The following CRB1 variants were observed in gnomAD, a reference collection of about 807,000 sequenced individuals.
CRB1 encodes protein crumbs homolog 1.
CRB1 carries 83 observed loss-of-function variants against 120.0 expected under a neutral mutation model. The observed-to-expected ratio is 0.69, with a 90% CI of 0.58 to 0.83. CRB1 has a LOEUF of 0.83. Ranked by LOEUF, CRB1 falls within the 40% of genes least tolerant of loss-of-function variation. CRB1 has a pLI of 0.00. For synonymous variants in CRB1, 625 were observed against 612.5 expected (o/e 1.02, Z -0.30); for missense variants, 1,699 against 1,687.6 (o/e 1.01, Z -0.12).
the CRB1 span, among the ~76,000 whole-genome samples, chr1:197,237,923 T>C: frequency 1.3e-5 from 2 of 152,160 alleles, no homozygotes; most frequent in African/African-American, 4.8e-5. Flanking sequence ...TTCTAGGTTC[T>C]TGAGACAGTA....
chr1:197,344,813 T>A (rs1659675550), intron 3 of CRB1, among the ~76,000 whole-genome samples: 1 of 152,212 alleles, frequency 6.6e-6, no homozygotes, highest in Non-Finnish European at 1.5e-5. Flanking sequence ...TACATAAGTT[T>A]GTATCTATAT....
At position 197,344,536 on chromosome 1, in the gene CRB1, C is replaced by T. The variant is rs1659660587; in HGVS notation, c.848+60C>T. 8.6e-6 allele frequency: 13 copies of T among 1,507,820 alleles called. No individual in the cohort carries two copies. In the South Asian group the frequency reaches 1.4e-4, roughly 16 times the overall value. 93.4% of individuals were successfully genotyped at this position (1,507,820 alleles called of 1,614,324 possible). ...AACTCCCTGACCATGAACTATTTTA[C>T]CACTCTGTTGAATTTAGAGCTCTCA... On this transcript the variant is annotated intron_variant, in intron 3 of 11. Transcript: ENST00000367400.
At chr1:197,340,671 G>A (rs1306996012) in intron 2 of CRB1, among the ~76,000 whole-genome samples, 1 of 152,076 alleles carries the variant, frequency 6.6e-6, no homozygotes, top group Admixed American at 6.5e-5. Context: ...GGGAATAGTG[G>A]CAAATAAGAT....
chr1:197,291,326 A>G (rs1656167219), intron 1 of CRB1, among the ~76,000 whole-genome samples: 1 of 151,888 alleles, frequency 6.6e-6, no homozygotes, highest in Admixed American at 6.6e-5. Flanking sequence ...CTGTGGGATA[A>G]TAAACATACG....
At chr1:197,326,647 T>A (rs1479966836) in intron 1 of CRB1, among the ~76,000 whole-genome samples, 1 of 151,648 alleles carries the variant, frequency 6.6e-6, no homozygotes, top group Non-Finnish European at 1.5e-5. Flanking sequence ...ATAATAATAA[T>A]AATAAATAAT....
At chr1:197,363,135 G>GTT (rs34995320) in intron 5 of CRB1, among the ~76,000 whole-genome samples, 99 of 146,136 alleles carry the variant, frequency 6.8e-4, no homozygotes, top group African/African-American at 2.4e-3. Context: ...TTCTATTTAG[G>GTT]TTTTTTTTTT....
At chr1:197,309,571 G>A (rs1571812696) in intron 1 of CRB1, among the ~76,000 whole-genome samples, 1 of 152,036 alleles carries the variant, frequency 6.6e-6, no homozygotes, top group African/African-American at 2.4e-5. Context: ...TGGCTAACAC[G>A]GTGAAAACCT....
chr1:197,241,091 T>C, the CRB1 span, among the ~76,000 whole-genome samples: 1 of 152,236 alleles, frequency 6.6e-6, no homozygotes. Context: ...TTGTAGATTC[T>C]GGATATTAGC....
At chr1:197,265,251 A>G (rs1654605557), upstream of CRB1, among the ~76,000 whole-genome samples, 1 of 150,322 alleles carries the variant, frequency 6.7e-6, no homozygotes, top group African/African-American at 2.5e-5. Flanking sequence ...TTTCTGAACT[A>G]CTCTTTTCTT....
At chr1:197,363,994 T>G in intron 5 of CRB1, 1 of 1,388,054 alleles carries the variant, frequency 7.2e-7, no homozygotes. Flanking sequence ...CTATGAAAAG[T>G]GCCGGCGGAT....
chr1:197,246,626 A>G, the CRB1 span, among the ~76,000 whole-genome samples: 1 of 152,076 alleles, frequency 6.6e-6, no homozygotes, highest in Non-Finnish European at 1.5e-5. Context: ...GTTTCCTGGA[A>G]GAAGTCGCAA....
intron 1 of CRB1, among the ~76,000 whole-genome samples, chr1:197,303,390 T>A (rs1365250631): frequency 1.3e-5 from 2 of 150,792 alleles, no homozygotes; most frequent in Non-Finnish European, 2.9e-5. Context: ...GTGTTTGGTT[T>A]TTTGTATGAA....
rs62636271 is a variant in CRB1, at chr1:197,427,880, T to C, written c.2555T>C (p.Ile852Thr). The C allele has an allele frequency of 1.4e-5, 22 of 1,613,892 alleles. No homozygotes were observed. Among genetic ancestry groups the C allele is most frequent in the Non-Finnish European group, 1.9e-5 (22 of 1,179,972 alleles). ...ELNGGFFKGC[I>T]QDVRLNNQNL... ...AATGGTGGATTCTTCAAAGGCTGTA[T>C]CCAAGATGTAAGACTAAACAACCAA... The change falls in exon 7 of 12, where the codon ATC (isoleucine) becomes ACC (threonine). Residue 852 changes from isoleucine (I) to threonine (T), a missense_variant. By Grantham distance (89) the Ile-to-Thr change is moderately conservative. Transcript: ENST00000367400.
At chr1:197,440,626 G>C (rs1350815219) in intron 10 of CRB1, 5 of 152,200 alleles carry the variant, frequency 3.3e-5, no homozygotes, top group African/African-American at 1.2e-4. Context: ...TAGTTCAACA[G>C]AGAAATAGGT....
At chr1:197,250,698 T>C in the CRB1 span, among the ~76,000 whole-genome samples, 1 of 151,996 alleles carries the variant, frequency 6.6e-6, no homozygotes, top group Non-Finnish European at 1.5e-5. Context: ...TGCCATTAGC[T>C]TTCCTGTCTA....
chr1:197,261,430 G>A, the CRB1 span, among the ~76,000 whole-genome samples: 1 of 152,228 alleles, frequency 6.6e-6, no homozygotes, highest in Non-Finnish European at 1.5e-5. Flanking sequence ...TAAAAAGTAT[G>A]TGAGTTAAAT....
rs183980784 is a variant in CRB1 at position 197,430,850 on chromosome 1, T to G, written c.2842+1236T>G. 1.8e-4 allele frequency among the ~76,000 whole-genome samples: 27 copies of G among 152,192 alleles called. No homozygotes were observed. The East Asian group carries it at 5.2e-3, about 29-fold the overall frequency. ...TAAATTGATATTATTTTCTTCAAAT[T>G]TACTTAATATTTTCACTTAACTGCT... On this transcript the variant is annotated intron_variant, in intron 8 of 11. Coordinates refer to ENST00000367400, the MANE Select transcript of CRB1 (RefSeq NM_201253.3).
intron 4 of CRB1, among the ~76,000 whole-genome samples, chr1:197,351,530 A>G (rs546432763): frequency 5.3e-5 from 8 of 152,334 alleles, no homozygotes; most frequent in East Asian, 1.9e-4. Context: ...ACAAAACTCC[A>G]TATCTGCCCT....
At chr1:197,218,492 A>C in the CRB1 span, among the ~76,000 whole-genome samples, 2 of 152,240 alleles carry the variant, frequency 1.3e-5, no homozygotes, top group African/African-American at 4.8e-5. Flanking sequence ...CAAATAAAAC[A>C]AGATTTTTAG....
Sources: gnomAD v4.1 joint callset for allele counts (sites outside exome capture counted in the v4.1 genomes callset) on GRCh38, gnomAD v4.1.1 for gene constraint, MANE v1.5 for transcripts, NCBI Gene and HGNC (gene_info 2026-07-23, HGNC 2026-07-21) for gene names.